USP6NL: variants seen among roughly 807,000 people sequenced by gnomAD.
USP6NL encodes USP6 N-terminal like.
Under a neutral mutation model 61.9 loss-of-function variants are expected in USP6NL, and 26 were observed. The ratio of observed to expected loss-of-function variants is 0.42; its 90% CI spans 0.31 to 0.58. USP6NL has a LOEUF of 0.58. Ranked by LOEUF, USP6NL falls within the 20% of genes least tolerant of loss-of-function variation. USP6NL has a pLI of 0.16. For synonymous variants in USP6NL, 432 were observed against 390.1 expected, an observed-to-expected ratio of 1.11 and a Z score of -1.27; for missense variants, 1,114 against 1,034.3, an observed-to-expected ratio of 1.08 and a Z score of -1.06.
Position 11,520,178 on chromosome 10 carries a change from G to C in USP6NL, c.156-1604C>G, listed in dbSNP as rs1169887778. On this transcript the variant is annotated intron_variant, in intron 4 of 14. Transcript: ENST00000609104. The surrounding 1 kb of genome is among the most constrained non-coding windows in gnomAD (Gnocchi z 5.2). ...TCATACAGACAAGATCTCAGATCAT[G>C]CAGGAGTATATGAAGAAAAGGGACG... 6.6e-6 allele frequency among the ~76,000 whole-genome samples: 1 copy of C among 152,216 alleles called. No homozygotes were observed. Among genetic ancestry groups the C allele is most frequent in the East Asian group, 1.9e-4 (1 of 5,198 alleles).
At position 11,511,304 on chromosome 10, in the gene USP6NL, G is replaced by C. The variant is rs1236267604; in HGVS notation, c.196-1629C>G. On this transcript the variant is annotated intron_variant, in intron 5 of 14. Transcript: ENST00000609104. The surrounding 1 kb of genome is among the most constrained non-coding windows in gnomAD (Gnocchi z 4.9). ...CTCATTATATTATTAGTGATAAACT[G>C]TTGCAGATGGTTCCAGAAATATGTT... is the stretch of plus-strand genomic sequence containing the variant. Among the ~76,000 whole-genome samples the C allele has an allele frequency of 6.6e-6, 1 of 152,210 alleles. No homozygotes were observed. The highest frequency in any genetic ancestry group is 1.9e-4 in the East Asian group (1 of 5,196).
chr10:11,527,667 G>A, intron 2 of USP6NL, 100 bp from the exon 3 acceptor site: 1 of 1,046,012 alleles, frequency 9.6e-7, no homozygotes, highest in Non-Finnish European at 1.4e-6. Context: ...AATAAATACT[G>A]CCTAAAATGA....
chr10:11,464,473 A>G (rs939741923), intron 14 of USP6NL, among the ~76,000 whole-genome samples: 24 of 152,234 alleles, frequency 1.6e-4, no homozygotes, highest in African/African-American at 5.5e-4. Context: ...AAATGGAGGC[A>G]GAAACTAACC....
intron 8 of USP6NL, among the ~76,000 whole-genome samples, chr10:11,492,133 G>A (rs1280646205): frequency 6.6e-6 from 1 of 152,176 alleles, no homozygotes; most frequent in Non-Finnish European, 1.5e-5. Context: ...TCCTCACGTG[G>A]GGAAAGAATT....
Position 11,595,865 on chromosome 10 carries a change from A to G in USP6NL, c.4+1766T>C, listed in dbSNP as rs1838311111. Among the ~76,000 whole-genome samples, 1 of 152,240 alleles carries G rather than the reference A, an allele frequency of 6.6e-6. No homozygotes were observed. The highest frequency in any genetic ancestry group is 1.5e-5 in the Non-Finnish European group (1 of 68,038). ...GAACCAATTGTTTTAAGTGGACATGAAAAAGAATTAGTGGATTAGTGGATA... is the reference window on the plus strand; with the variant it reads ...GAACCAATTGTTTTAAGTGGACATGGAAAAGAATTAGTGGATTAGTGGATA... On this transcript the variant is annotated intron_variant, in intron 2 of 14. Transcript: ENST00000609104. The surrounding 1 kb of genome is among the most constrained non-coding windows in gnomAD (Gnocchi z 5.3).
At chr10:11,578,324 C>A (rs1837625493) in intron 2 of USP6NL, among the ~76,000 whole-genome samples, 1 of 152,214 alleles carries the variant, frequency 6.6e-6, no homozygotes, top group Non-Finnish European at 1.5e-5. Flanking sequence ...TACTTCTAAT[C>A]CATTTTTCTT....
chr10:11,501,042 T>TA, intron 7 of USP6NL, 59 bp downstream of exon 7: 1 of 1,332,040 alleles, frequency 7.5e-7, no homozygotes, highest in Non-Finnish European at 1.0e-6. Flanking sequence ...CCTTGAATGC[T>TA]AAAAGAAATG....
At chr10:11,530,107 A>G (rs1835592478) in intron 2 of USP6NL, among the ~76,000 whole-genome samples, 1 of 147,220 alleles carries the variant, frequency 6.8e-6, no homozygotes. Context: ...GTCTCAAAAA[A>G]AAAAAAAAAA....
Position 11,525,469 on chromosome 10 carries a change from C to A in USP6NL, c.73-1G>T. The stretch of plus-strand genomic sequence containing the variant: ...GTTCAATCTCTGCACCTTCTCGTCC[C>A]TAAAATAAGGCACAAAAAAAGGTGT... On this transcript the variant is annotated splice_acceptor_variant, in intron 3 of 14. Coordinates refer to ENST00000609104, the MANE Select transcript of USP6NL (RefSeq NM_014688.5). LOFTEE classifies it high-confidence loss of function. The surrounding 1 kb of genome is among the most constrained non-coding windows in gnomAD (Gnocchi z 5.0). 1 of 1,570,286 alleles carries A rather than the reference C, an allele frequency of 6.4e-7. No homozygotes were observed. Among genetic ancestry groups the A allele is most frequent in the Non-Finnish European group, 8.6e-7 (1 of 1,166,928 alleles).
At position 11,587,289 on chromosome 10, in the gene USP6NL, C is replaced by T. The variant is rs563583121; in HGVS notation, c.4+10342G>A. On this transcript the variant is annotated intron_variant, in intron 2 of 14. Coordinates refer to ENST00000609104, the MANE Select transcript of USP6NL (RefSeq NM_014688.5). The surrounding 1 kb of genome is among the most constrained non-coding windows in gnomAD (Gnocchi z 4.5). The stretch of plus-strand genomic sequence containing the variant: ...ATCGAAGATTCAAACACCATGACCC[C>T]TAAAATATTTTAAGAAATTAATTTA... 1.2e-4 allele frequency among the ~76,000 whole-genome samples: 18 copies of T among 152,222 alleles called. No homozygotes were observed. The South Asian group carries it at 3.1e-3, about 26-fold the overall frequency.
chr10:11,545,580 C>T (rs763994843), intron 2 of USP6NL, among the ~76,000 whole-genome samples: 5 of 152,152 alleles, frequency 3.3e-5, no homozygotes, highest in Non-Finnish European at 5.9e-5. Flanking sequence ...ATAATACAAA[C>T]GCTAAAGGCA....
intron 2 of USP6NL, among the ~76,000 whole-genome samples, chr10:11,555,099 T>G (rs1836636553): frequency 1.5e-5 from 2 of 133,354 alleles, no homozygotes; most frequent in African/African-American, 5.4e-5. Flanking sequence ...CCTGTTTTTT[T>G]TTTTTTTTGG....
rs1464233322 is a variant in USP6NL at position 11,481,174 on chromosome 10, A to G, written c.1078+596T>C. On this transcript the variant is annotated intron_variant, in intron 14 of 14. Transcript: ENST00000609104. This position sits in a 1 kb window ranked among gnomAD's most constrained non-coding sequence, Gnocchi z 4.4. ...TTAAATCCCCAGCAAAGTAGTACCT[A>G]GCAGAAAACCTATTAGTAGGTGCTG... Among the ~76,000 whole-genome samples, 1 of 152,210 alleles carries G rather than the reference A, an allele frequency of 6.6e-6. No individual in the cohort carries two copies. Among genetic ancestry groups the G allele is most frequent in the Non-Finnish European group, 1.5e-5 (1 of 68,046 alleles).
chr10:11,481,047 C>T lies in USP6NL; in HGVS notation c.1078+723G>A, dbSNP rs1330834158. Among the ~76,000 whole-genome samples the T allele has an allele frequency of 6.6e-6, 1 of 152,166 alleles. No homozygotes were observed. Among genetic ancestry groups the T allele is most frequent in the Non-Finnish European group, 1.5e-5 (1 of 68,028 alleles). ...TTCTGCTCCTCTCCCATTTACCCTG[C>T]GGCTAGCTCTAGTAATGCCCCATTC... On this transcript the variant is annotated intron_variant, in intron 14 of 14. Transcript: ENST00000609104. This position sits in a 1 kb window ranked among gnomAD's most constrained non-coding sequence, Gnocchi z 4.4.
chr10:11,570,296 C>G (rs369440737), intron 2 of USP6NL, among the ~76,000 whole-genome samples: 72 of 152,260 alleles, frequency 4.7e-4, no homozygotes, highest in Middle Eastern at 3.4e-3. Context: ...TATATCTCTA[C>G]GCCCTTGCAT....
At position 11,525,533 on chromosome 10, in the gene USP6NL, A is replaced by C. The variant is rs1036233944; in HGVS notation, c.73-65T>G. 4 of 1,377,318 alleles carry C rather than the reference A, an allele frequency of 2.9e-6. No homozygotes were observed. In the African/African-American group the frequency reaches 6.0e-5, roughly 21 times the overall value. The allele number at this position is 1,377,318 out of a possible 1,614,324, so 85.3% of individuals were successfully genotyped here. On this transcript the variant is annotated intron_variant, in intron 3 of 14. Coordinates refer to ENST00000609104, the MANE Select transcript of USP6NL (RefSeq NM_014688.5). This position sits in a 1 kb window ranked among gnomAD's most constrained non-coding sequence, Gnocchi z 5.0. ...TAAAACTGAATAATTTTTTAAAATA[A>C]AAGGACGAAGAAATAAGAGCTATTT... is the stretch of plus-strand genomic sequence containing the variant.
rs754949407 is a variant in USP6NL at position 11,485,930 on chromosome 10, A to G, written c.665-19T>C. On this transcript the variant is annotated intron_variant, in intron 10 of 14. Transcript: ENST00000609104. This position sits in a 1 kb window ranked among gnomAD's most constrained non-coding sequence, Gnocchi z 4.8. ...AAAAAGCCTAGAATACAAACATAAA[A>G]ACAACATTTCATAAACAATACCAAC... 5.3e-5 allele frequency: 80 copies of G among 1,495,674 alleles called. No individual in the cohort carries two copies. In the South Asian group the frequency reaches 6.1e-4, roughly 11 times the overall value. 92.7% of individuals were successfully genotyped at this position (1,495,674 alleles called of 1,614,324 possible).
At chr10:11,486,998 C>T (rs1280896767) in intron 10 of USP6NL, among the ~76,000 whole-genome samples, 2 of 151,226 alleles carry the variant, frequency 1.3e-5, no homozygotes, top group African/African-American at 2.4e-5. Context: ...TTTCCAGAGA[C>T]AGAAATTCTA....
At position 11,489,138 on chromosome 10, in the gene USP6NL, C is replaced by T. The variant is rs1364526323; in HGVS notation, c.628G>A (p.Val210Ile). 6.2e-7 allele frequency: 1 copy of T among 1,613,910 alleles called. No homozygotes were observed. The highest frequency in any genetic ancestry group is 1.7e-5 in the Admixed American group (1 of 60,034). Residue 210 changes from valine to isoleucine, a missense_variant, in exon 10 of 15, where the codon GTC (valine) becomes ATC (isoleucine). By Grantham distance (29) the Val-to-Ile change is conservative (BLOSUM62 3). Coordinates refer to ENST00000609104, the MANE Select transcript of USP6NL (RefSeq NM_014688.5). This position sits in a 1 kb window ranked among gnomAD's most constrained non-coding sequence, Gnocchi z 5.7. ...MNEEDAFWAL[V>I]KLFSGPKHAM... ...TGTTTAGGGCCTGAGAAGAGTTTGA[C>T]CAGGGCCCAGAAGGCATCTTCCTCG...
Sources: gnomAD v4.1 joint callset for allele counts (sites outside exome capture counted in the v4.1 genomes callset) on GRCh38, gnomAD v4.1.1 for gene constraint, Gnocchi (gnomAD v3.1) non-coding constraint, MANE v1.5 for transcripts, NCBI Gene and HGNC (gene_info 2026-07-23, HGNC 2026-07-21) for gene names.